The following CTNNA2 variants were observed in gnomAD, a reference collection of about 807,000 sequenced individuals.
CTNNA2 encodes catenin alpha 2.
Under a neutral mutation model 101.0 loss-of-function variants are expected in CTNNA2, and 42 were observed. That is an observed-to-expected ratio of 0.42 (90% confidence interval 0.32 to 0.54). CTNNA2 has a LOEUF of 0.54. Among genes scored for constraint, CTNNA2 ranks in the 20% least tolerant of loss-of-function variants. CTNNA2 has a pLI of 0.14. For synonymous variants in CTNNA2, 450 were observed against 456.4 expected, an observed-to-expected ratio of 0.99 and a Z score of 0.18; for missense variants, 871 against 1,223.1, an observed-to-expected ratio of 0.71 and a Z score of 4.29.
intron 7 of CTNNA2, among the ~76,000 whole-genome samples, chr2:80,187,279 T>C (rs1039992839): frequency 7.9e-5 from 12 of 152,202 alleles, no homozygotes; most frequent in African/African-American, 2.4e-4. Context: ...ATTACATCTG[T>C]TGTGTCTGAA....
At chr2:79,707,265 C>T (rs1458920734) in intron 2 of CTNNA2, among the ~76,000 whole-genome samples, 5 of 152,154 alleles carry the variant, frequency 3.3e-5, no homozygotes, top group Non-Finnish European at 1.5e-5. Flanking sequence ...CATAAACTAA[C>T]ATGGTACAAA....
intron 4 of CTNNA2, among the ~76,000 whole-genome samples, chr2:79,491,404 C>T (rs567572413): frequency 6.6e-6 from 1 of 152,280 alleles, no homozygotes; most frequent in Non-Finnish European, 1.5e-5. Context: ...GTTGAGAACA[C>T]AGCTTCAAAC....
At chr2:79,928,049 G>A (rs752387678) in intron 7 of CTNNA2, among the ~76,000 whole-genome samples, 30 of 152,268 alleles carry the variant, frequency 2.0e-4, no homozygotes, top group Middle Eastern at 3.4e-3. Flanking sequence ...TCATGTTTAC[G>A]TTGGGTTTGT....
At chr2:79,246,866 A>G (rs940739777) in intron 2 of CTNNA2, among the ~76,000 whole-genome samples, 4 of 152,232 alleles carry the variant, frequency 2.6e-5, no homozygotes, top group African/African-American at 9.6e-5. Flanking sequence ...TCTGAGGTAG[A>G]AGTAGAGGAT....
chr2:80,464,694 A>G (rs545281021), intron 9 of CTNNA2, among the ~76,000 whole-genome samples: 8 of 152,272 alleles, frequency 5.3e-5, no homozygotes, highest in African/African-American at 1.9e-4. Flanking sequence ...CAATGTTCCT[A>G]TATCACTTTG....
chr2:79,277,021 C>G (rs894309747), intron 2 of CTNNA2, among the ~76,000 whole-genome samples: 2 of 152,020 alleles, frequency 1.3e-5, no homozygotes, highest in Non-Finnish European at 2.9e-5. Context: ...ACCCATCCAC[C>G]GAGTTTTTTG....
intron 9 of CTNNA2, among the ~76,000 whole-genome samples, chr2:80,514,096 C>T (rs895615542): frequency 2.0e-5 from 3 of 152,130 alleles, no homozygotes; most frequent in Admixed American, 2.0e-4. Context: ...CCTGTTTAGG[C>T]ACTCACTGTG....
At chr2:79,963,013 G>T (rs998428541) in intron 7 of CTNNA2, among the ~76,000 whole-genome samples, 1 of 139,604 alleles carries the variant, frequency 7.2e-6, no homozygotes, top group Non-Finnish European at 1.5e-5. Flanking sequence ...GGAACTTGCA[G>T]TGAGCTGAGA....
At chr2:79,312,555 G>T (rs559914296) in intron 2 of CTNNA2, among the ~76,000 whole-genome samples, 4 of 152,248 alleles carry the variant, frequency 2.6e-5, no homozygotes, top group Admixed American at 6.5e-5. Flanking sequence ...ACAAAACTTG[G>T]AGTAAGAAAA....
chr2:79,505,371 G>A (rs1282821897), intron 5 of CTNNA2, among the ~76,000 whole-genome samples: 2 of 151,928 alleles, frequency 1.3e-5, no homozygotes, highest in African/African-American at 4.8e-5. Flanking sequence ...TTCTTCCTGG[G>A]CTTGGACTGA....
At chr2:79,274,247 G>A (rs1365148124) in intron 2 of CTNNA2, among the ~76,000 whole-genome samples, 1 of 152,040 alleles carries the variant, frequency 6.6e-6, no homozygotes, top group East Asian at 1.9e-4. Flanking sequence ...TGAGGAAACA[G>A]GCCAGGAGAG....
intron 2 of CTNNA2, among the ~76,000 whole-genome samples, chr2:79,685,332 A>G (rs1008114501): frequency 6.6e-6 from 1 of 152,230 alleles, no homozygotes; most frequent in Non-Finnish European, 1.5e-5. Flanking sequence ...ACATATAAGT[A>G]TCCTTGAAGA....
intron 7 of CTNNA2, among the ~76,000 whole-genome samples, chr2:80,181,298 TG>T (rs1705760396): frequency 6.6e-6 from 1 of 151,956 alleles, no homozygotes; most frequent in South Asian, 2.1e-4. Flanking sequence ...GCAGCATGGG[TG>T]GGGAAGGAGA....
At chr2:80,545,849 C>T in intron 10 of CTNNA2, 58 bp from the exon 11 acceptor site, 1 of 1,576,054 alleles carries the variant, frequency 6.3e-7, no homozygotes, top group Non-Finnish European at 8.6e-7. Flanking sequence ...CTTTGACCGG[C>T]TTATTCCTCT....
intron 4 of CTNNA2, among the ~76,000 whole-genome samples, chr2:79,494,391 A>G (rs1671234591): frequency 6.6e-6 from 1 of 152,086 alleles, no homozygotes; most frequent in South Asian, 2.1e-4. Flanking sequence ...TGGAAGACTC[A>G]CGTTTCTGGA....
intron 18 of CTNNA2, 77 bp from the exon 19 acceptor site, chr2:80,647,507 AC>A: frequency 8.4e-7 from 1 of 1,185,924 alleles, no homozygotes; most frequent in Non-Finnish European, 1.2e-6. Flanking sequence ...CATTATTTTA[AC>A]CGTGAAAGTA....
At chr2:79,367,866 A>G (rs1677783634) in intron 3 of CTNNA2, among the ~76,000 whole-genome samples, 1 of 152,212 alleles carries the variant, frequency 6.6e-6, no homozygotes, top group Non-Finnish European at 1.5e-5. Context: ...GAGAGGTACC[A>G]TTATTATAAT....
chr2:79,621,221 T>C, intron 1 of CTNNA2, among the ~76,000 whole-genome samples: 1 of 152,208 alleles, frequency 6.6e-6, no homozygotes, highest in Admixed American at 6.5e-5. Flanking sequence ...ACACATGTTT[T>C]TCTGTGCTCC....
chr2:79,753,867 CTTTTTTTT>C (rs1170637332), intron 3 of CTNNA2, among the ~76,000 whole-genome samples: 1 of 134,914 alleles, frequency 7.4e-6, no homozygotes, highest in African/African-American at 2.8e-5. Context: ...CTTTTTCTCT[CTTTTTTTT>C]TTTTTTTTTT....
Sources: allele counts gnomAD v4.1 joint callset (sites outside exome capture counted in the v4.1 genomes callset), GRCh38; gene constraint gnomAD v4.1.1; transcripts MANE v1.5; gene names NCBI Gene and HGNC (gene_info 2026-07-23, HGNC 2026-07-21).